Variants in PDE1A observed in about 807,000 individuals in gnomAD.
PDE1A encodes the protein dual specificity calcium/calmodulin-dependent 3',5'-cyclic nucleotide phosphodiesterase 1A.
PDE1A carries 35 observed loss-of-function variants against 61.7 expected under a neutral mutation model. The observed-to-expected ratio is 0.57, with a 90% confidence interval of 0.43 to 0.75. The LOEUF (loss-of-function observed/expected upper bound fraction) is 0.75. Among genes scored for constraint, PDE1A ranks in the 30% least tolerant of loss-of-function variants. The probability of loss-of-function intolerance (pLI) is 0.00; values close to 1 mark genes in which losing one functional copy is unlikely to be tolerated. For missense variants in PDE1A, 597 were observed against 630.6 expected (o/e 0.95, Z 0.57); for synonymous variants, 232 against 213.2 (o/e 1.09, Z -0.77).
At chr2:182,212,567 C>T (rs555108058) in intron 7 of PDE1A, among the ~76,000 whole-genome samples, 50 of 152,288 alleles carry the variant, frequency 3.3e-4, no homozygotes, top group African/African-American at 1.1e-3. Context: ...GCGCACCGTG[C>T]GCAAGCCGAA....
chr2:182,656,769 GTAT>G, the PDE1A span, among the ~76,000 whole-genome samples: 2 of 151,870 alleles, frequency 1.3e-5, no homozygotes, highest in Non-Finnish European at 2.9e-5. Flanking sequence ...CTACATGCTG[GTAT>G]TATCTCATTT....
chr2:182,240,702 T>C (rs2125690128), intron 2 of PDE1A, among the ~76,000 whole-genome samples: 1 of 152,354 alleles, frequency 6.6e-6, no homozygotes, highest in African/African-American at 2.4e-5. Flanking sequence ...GAATCTATAA[T>C]AGTTGTCATA....
chr2:182,242,943 G>GTGTGTT lies in PDE1A; in HGVS notation c.168-2652_168-2651insAACACA, dbSNP rs1553550800. On this transcript the variant is annotated intron_variant, in intron 2 of 13. Transcript: ENST00000351439. The stretch of plus-strand genomic sequence containing the variant: ...CTCTCTCTCGTGTGTGTATGTGTGT[G>GTGTGTT]TGTGTGTTGTGTAGCTGTTGGTTTG... 3.3e-4 allele frequency among the ~76,000 whole-genome samples: 45 copies of GTGTGTT among 137,478 alleles called. 1 individual carries two copies. Among genetic ancestry groups the GTGTGTT allele is most frequent in the Middle Eastern group, 3.6e-3 (1 of 278 alleles). 90.2% of individuals were successfully genotyped at this position (137,478 alleles called of 152,430 possible). A position where few individuals can be genotyped will look rare whatever the true frequency, so the allele number is the denominator to read the frequency against.
the PDE1A span, among the ~76,000 whole-genome samples, chr2:182,709,406 C>G: frequency 6.6e-6 from 1 of 152,134 alleles, no homozygotes; most frequent in Non-Finnish European, 1.5e-5. Context: ...TCATTTCATC[C>G]TAATGCATGT....
At chr2:182,696,595 C>G in the PDE1A span, among the ~76,000 whole-genome samples, 66 of 152,226 alleles carry the variant, frequency 4.3e-4, no homozygotes, top group Non-Finnish European at 7.5e-4. Flanking sequence ...ATGTACAACA[C>G]CAACAGTGTA....
downstream of PDE1A, chr2:182,167,768 TA>T: frequency 2.6e-6 from 1 of 381,960 alleles, no homozygotes; most frequent in Non-Finnish European, 3.6e-6. Context: ...CACTATAATA[TA>T]AACATGTTTT....
the PDE1A span, among the ~76,000 whole-genome samples, chr2:182,660,471 G>A: frequency 6.6e-6 from 1 of 152,148 alleles, no homozygotes; most frequent in Admixed American, 6.6e-5. Flanking sequence ...TCCAGTGATT[G>A]TTACATTGCA....
At chr2:182,273,522 C>T (rs1241647167) in intron 1 of PDE1A, among the ~76,000 whole-genome samples, 3 of 151,558 alleles carry the variant, frequency 2.0e-5, no homozygotes, top group Non-Finnish European at 4.4e-5. Flanking sequence ...ATCTACTGAA[C>T]TAACTGAAAA....
At chr2:182,193,061 CA>C (rs1367527871) in intron 10 of PDE1A, among the ~76,000 whole-genome samples, 2 of 152,002 alleles carry the variant, frequency 1.3e-5, no homozygotes, top group Admixed American at 6.6e-5. Flanking sequence ...GGTATCGGCT[CA>C]CTGCAACCTC....
intron 2 of PDE1A, among the ~76,000 whole-genome samples, chr2:182,477,600 C>G (rs990021628): frequency 6.6e-6 from 1 of 151,842 alleles, no homozygotes; most frequent in Non-Finnish European, 1.5e-5. Flanking sequence ...GAAAACACAG[C>G]GTGTAGGGTT....
At chr2:182,337,713 C>G (rs996869672) in intron 1 of PDE1A, among the ~76,000 whole-genome samples, 1 of 152,090 alleles carries the variant, frequency 6.6e-6, no homozygotes, top group Non-Finnish European at 1.5e-5. Context: ...GTCGCCTATT[C>G]TAAGTATCAC....
At chr2:182,468,547 T>G (rs1686819691) in intron 2 of PDE1A, among the ~76,000 whole-genome samples, 1 of 151,994 alleles carries the variant, frequency 6.6e-6, no homozygotes, top group Non-Finnish European at 1.5e-5. Context: ...CTTAAACCCC[T>G]CAAAGTCATC....
chr2:182,659,327 C>T, the PDE1A span, among the ~76,000 whole-genome samples: 2 of 152,278 alleles, frequency 1.3e-5, no homozygotes, highest in East Asian at 3.9e-4. Context: ...GACTATTTTA[C>T]ATTTGTTCCC....
the PDE1A span, among the ~76,000 whole-genome samples, chr2:182,702,281 T>C: frequency 6.6e-6 from 1 of 152,142 alleles, no homozygotes; most frequent in African/African-American, 2.4e-5. Context: ...TTTTTTATAT[T>C]TTTGGTAGAG....
chr2:182,249,109 C>T (rs1209200392), intron 2 of PDE1A, among the ~76,000 whole-genome samples: 2 of 152,238 alleles, frequency 1.3e-5, no homozygotes, highest in African/African-American at 4.8e-5. Flanking sequence ...TGCAGCTCCA[C>T]TCTGCACCAC....
chr2:182,478,353 A>C lies in PDE1A; in HGVS notation c.101+43923T>G, dbSNP rs1687501432. Among the ~76,000 whole-genome samples, 3 of 151,770 alleles carry C rather than the reference A, an allele frequency of 2.0e-5. No homozygotes were observed. The South Asian group carries it at 6.2e-4, about 31-fold the overall frequency. On this transcript the variant is annotated intron_variant, in intron 2 of 14. Transcript: ENST00000410103. ...TGGTTATTCCTGCTATGCAGAAAAA[A>C]AAAAATAGTGCTCTATCATTCTCTT...
intron 1 of PDE1A, among the ~76,000 whole-genome samples, chr2:182,405,650 G>A (rs745441316): frequency 2.0e-5 from 3 of 152,026 alleles, no homozygotes; most frequent in East Asian, 1.9e-4. Flanking sequence ...GAAAAATGTC[G>A]GTCAAAGGGT....
chr2:182,507,803 G>A (rs1278345639), intron 2 of PDE1A, among the ~76,000 whole-genome samples: 1 of 152,070 alleles, frequency 6.6e-6, no homozygotes, highest in African/African-American at 2.4e-5. Flanking sequence ...TGTTCATACT[G>A]CAACCAGTGG....
chr2:182,208,164 G>T (rs1192635012), intron 7 of PDE1A, among the ~76,000 whole-genome samples: 2 of 152,194 alleles, frequency 1.3e-5, no homozygotes, highest in Non-Finnish European at 1.5e-5. Context: ...GCTGTGAGAA[G>T]AGGGCTACTG....
Sources: gnomAD v4.1 joint callset for allele counts (sites outside exome capture counted in the v4.1 genomes callset) on GRCh38, gnomAD v4.1.1 for gene constraint, MANE v1.5 for transcripts, NCBI Gene and HGNC (gene_info 2026-07-23, HGNC 2026-07-21) for gene names.